The following SUPV3L1 variants were observed in gnomAD, a reference collection of about 807,000 sequenced individuals.
The protein encoded by SUPV3L1 is ATP-dependent RNA helicase SUPV3L1, mitochondrial.
Under a neutral mutation model 70.0 loss-of-function variants are expected in SUPV3L1, and 35 were observed. The observed-to-expected ratio is 0.50, with a 90% confidence interval of 0.38 to 0.66. SUPV3L1 has a LOEUF of 0.66. Ranked by LOEUF, SUPV3L1 falls within the 30% of genes least tolerant of loss-of-function variation. The probability of loss-of-function intolerance (pLI) is 0.00; values close to 1 mark genes in which losing one functional copy is unlikely to be tolerated. For missense variants in SUPV3L1, 777 were observed against 961.5 expected (o/e 0.81, Z 2.54); for synonymous variants, 364 against 341.9 (o/e 1.06, Z -0.71).
chr10:69,194,674 G>C (rs1842489138), intron 6 of SUPV3L1, among the ~76,000 whole-genome samples: 1 of 150,038 alleles, frequency 6.7e-6, no homozygotes, highest in Non-Finnish European at 1.5e-5. Context: ...CTGCTTGGAA[G>C]CTGAGGCAGG....
chr10:69,196,991 G>A lies in SUPV3L1; in HGVS notation c.932-1G>A, dbSNP rs754614741. 11 of 1,613,720 alleles carry A rather than the reference G, an allele frequency of 6.8e-6. No individual in the cohort carries two copies. The highest frequency in any genetic ancestry group is 8.5e-6 in the Non-Finnish European group (10 of 1,179,794). ...TAAGAAACCCAGTTTTGCATTGACA[G>A]GACTGTGTGCTGAAGAGGTTCATTT... On this transcript the variant is annotated splice_acceptor_variant, in intron 7 of 14. Coordinates refer to ENST00000359655, the MANE Select transcript of SUPV3L1 (RefSeq NM_003171.5). LOFTEE classifies it high-confidence loss of function.
At chr10:69,190,618 C>T (rs906842342) in intron 5 of SUPV3L1, among the ~76,000 whole-genome samples, 1 of 152,160 alleles carries the variant, frequency 6.6e-6, no homozygotes, top group African/African-American at 2.4e-5. Context: ...TATCAATTGT[C>T]CAATTACACC....
At chr10:69,197,305 A>G (rs1323519160) in intron 8 of SUPV3L1, among the ~76,000 whole-genome samples, 1 of 152,198 alleles carries the variant, frequency 6.6e-6, no homozygotes, top group Admixed American at 6.5e-5. Flanking sequence ...GAGTACAGGA[A>G]ATTCTTCACT....
chr10:69,195,026 C>G (rs947008742), intron 6 of SUPV3L1, among the ~76,000 whole-genome samples, 162 bp from the exon 7 acceptor site: 3 of 151,990 alleles, frequency 2.0e-5, no homozygotes, highest in African/African-American at 7.3e-5. Flanking sequence ...AGAGGAGGTA[C>G]TTAAGAGGAG....
intron 2 of SUPV3L1, 25 bp from the exon 3 acceptor site, chr10:69,186,418 A>T (rs760256670): frequency 7.1e-6 from 11 of 1,554,660 alleles, no homozygotes; most frequent in African/African-American, 2.7e-5. Context: ...TACACCTTAC[A>T]TCTTTTCATT....
Position 69,186,430 on chromosome 10 carries a change from T to C in SUPV3L1, c.350-13T>C. ...AACTACACCTTACATCTTTTCATTT[T>C]GTGTTTCTACAGCTCGTCTCTTCCA... On this transcript the variant is annotated splice_polypyrimidine_tract_variant and intron_variant, in intron 2 of 14. Transcript: ENST00000359655. 1 of 1,597,008 alleles carries C rather than the reference T, an allele frequency of 6.3e-7. No homozygotes were observed. Among genetic ancestry groups the C allele is most frequent in the Admixed American group, 1.7e-5 (1 of 59,952 alleles).
intron 11 of SUPV3L1, among the ~76,000 whole-genome samples, 167 bp from the exon 12 acceptor site, chr10:69,202,272 A>G (rs1224031168): frequency 1.3e-5 from 2 of 152,194 alleles, no homozygotes; most frequent in African/African-American, 4.8e-5. Flanking sequence ...CTAATTGGTA[A>G]TAAATGGTAA....
rs2132269901 is a variant in SUPV3L1 at position 69,186,363 on chromosome 10, G to A, written c.350-80G>A. The A allele has an allele frequency of 8.5e-6, 6 of 707,514 alleles. No individual in the cohort carries two copies. In the South Asian group the frequency reaches 9.5e-5, roughly 11 times the overall value. 43.8% of individuals were successfully genotyped at this position (707,514 alleles called of 1,614,324 possible). ...AAAAAAAGAAAAAAAAAGACTCTTTGATGAGTTTGGTGTGGTGTGTCTGTG... is the reference window on the plus strand; with the variant it reads ...AAAAAAAGAAAAAAAAAGACTCTTTAATGAGTTTGGTGTGGTGTGTCTGTG... On this transcript the variant is annotated intron_variant, in intron 2 of 14. Transcript: ENST00000359655.
intron 8 of SUPV3L1, among the ~76,000 whole-genome samples, chr10:69,197,603 T>A (rs1028448480): frequency 1.1e-4 from 17 of 152,176 alleles, no homozygotes; most frequent in African/African-American, 3.1e-4. Context: ...AAGGTCTCAC[T>A]CTGTTACCCA....
intron 9 of SUPV3L1, 69 bp downstream of exon 9, chr10:69,198,621 A>G (rs1842605298): frequency 6.8e-7 from 1 of 1,476,372 alleles, no homozygotes; most frequent in African/African-American, 1.4e-5. Context: ...TGAGATATAT[A>G]TAAAAAAATG....
chr10:69,186,259 G>A (rs1022957793), intron 2 of SUPV3L1, among the ~76,000 whole-genome samples, 184 bp from the exon 3 acceptor site: 1 of 150,114 alleles, frequency 6.7e-6, no homozygotes, highest in African/African-American at 2.5e-5. Flanking sequence ...CTGCAGCTGC[G>A]GCCTTCCTTC....
chr10:69,190,399 T>C (rs10823311), intron 5 of SUPV3L1, among the ~76,000 whole-genome samples: 6,329 of 151,028 alleles, frequency 0.042, 459 homozygotes, highest in African/African-American at 0.14. Context: ...AATGTGAGTT[T>C]AACCAGTTTT....
intron 6 of SUPV3L1, 101 bp downstream of exon 6, chr10:69,191,867 T>TA (rs907741101): frequency 1.2e-6 from 1 of 829,318 alleles, no homozygotes; most frequent in Admixed American, 2.6e-5. Context: ...AATGCAATGG[T>TA]ACTATCTCGG....
chr10:69,199,225 A>G (rs756340363), intron 10 of SUPV3L1, 28 bp downstream of exon 10: 11 of 1,550,566 alleles, frequency 7.1e-6, no homozygotes, highest in Non-Finnish European at 9.7e-6. Context: ...AATAAGATGA[A>G]TATTTGGTGA....
Position 69,199,249 on chromosome 10 carries a change from T to C in SUPV3L1, c.1298+52T>C, listed in dbSNP as rs773426564. The stretch of plus-strand genomic sequence containing the variant: ...AATATTTGGTGAGTTAAATGGTGGT[T>C]TTTTTGTTTTTCAGTTTTCTAATTG... On this transcript the variant is annotated intron_variant, in intron 10 of 14. Transcript: ENST00000359655. The C allele has an allele frequency of 3.5e-6, 5 of 1,419,448 alleles. No homozygotes were observed. The East Asian group carries it at 1.2e-4, about 33-fold the overall frequency. The allele number at this position is 1,419,448 out of a possible 1,614,324, so 87.9% of individuals were successfully genotyped here. A position where few individuals can be genotyped will look rare whatever the true frequency, so the allele number is the denominator to read the frequency against.
intron 10 of SUPV3L1, among the ~76,000 whole-genome samples, chr10:69,199,958 C>T (rs1208708206): frequency 6.6e-6 from 1 of 152,130 alleles, no homozygotes; most frequent in Non-Finnish European, 1.5e-5. Flanking sequence ...GGTCTTTGTG[C>T]CTCAGCCCCC....
rs1277575444 is a variant in SUPV3L1 at position 69,202,504 on chromosome 10, A to G, written c.1584A>G (p.Thr528=). ...TTGCCTACCATCTCCCTGATGCAAC[A>G]CTGTCCAATCTCATTGTAAGTGGAA... ...EMFAYHLPDA[T]LSNLIDIFVD... The change falls in exon 12 of 15, where the codon ACA becomes ACG. Residue 528 remains threonine (T), a synonymous_variant. Coordinates refer to ENST00000359655, the MANE Select transcript of SUPV3L1 (RefSeq NM_003171.5). 3 of 1,613,366 alleles carry G rather than the reference A, an allele frequency of 1.9e-6. No homozygotes were observed. Among genetic ancestry groups the G allele is most frequent in the East Asian group, 2.2e-5 (1 of 44,856 alleles).
Position 69,202,603 on chromosome 10 carries a change from A to G in SUPV3L1, c.1599+84A>G, listed in dbSNP as rs1842713969. 3.0e-6 allele frequency: 4 copies of G among 1,316,216 alleles called. No homozygotes were observed. In the African/African-American group the frequency reaches 5.9e-5, roughly 20 times the overall value. The allele number at this position is 1,316,216 out of a possible 1,614,324, so 81.5% of individuals were successfully genotyped here. The stretch of plus-strand genomic sequence containing the variant: ...TGGTTAACCTCATGAGCATGAATGG[A>G]TAGTCTGCCTTTGAGAAGTTGCTAT... On this transcript the variant is annotated intron_variant, in intron 12 of 14. Transcript: ENST00000359655.
chr10:69,199,885 C>T (rs1215815499), intron 10 of SUPV3L1, among the ~76,000 whole-genome samples: 1 of 151,978 alleles, frequency 6.6e-6, no homozygotes, highest in Non-Finnish European at 1.5e-5. Flanking sequence ...CACTCTGTGC[C>T]CCACGCCGGA....
Sources: gnomAD v4.1 joint callset for allele counts (sites outside exome capture counted in the v4.1 genomes callset) on GRCh38, gnomAD v4.1.1 for gene constraint, MANE v1.5 for transcripts, NCBI Gene and HGNC (gene_info 2026-07-23, HGNC 2026-07-21) for gene names.